The following GPR39 variants were observed in gnomAD, a reference collection of about 807,000 sequenced individuals.
GPR39 encodes zinc sensing receptor.
A neutral mutation model predicts 18.4 loss-of-function variants in GPR39; 23 were observed. The ratio of observed to expected loss-of-function variants is 1.25; its 90% CI spans 0.90 to 1.77. GPR39 has a LOEUF of 1.77. GPR39 is among the 40% of genes most tolerant of loss of function. The pLI is 0.00. For missense variants in GPR39, 647 were observed against 602.4 expected, an observed-to-expected ratio of 1.07 and a Z score of -0.78; for synonymous variants, 280 against 257.9, an observed-to-expected ratio of 1.09 and a Z score of -0.82.
rs7561716 is a variant in GPR39 at position 132,526,099 on chromosome 2, T to A, written c.856+108201T>A. 4.8e-3 allele frequency among the ~76,000 whole-genome samples: 733 copies of A among 152,296 alleles called. 2 individuals carry two copies. The highest frequency in any genetic ancestry group is 0.016 in the African/African-American group (684 of 41,564). On this transcript the variant is annotated intron_variant, in intron 1 of 1. Coordinates refer to ENST00000329321, the MANE Select transcript of GPR39 (RefSeq NM_001508.3). ...CTTGGTGGCAAAACCTGGACCAACC[T>A]GATATGAGGCTATTTATGGTATTCA... is the stretch of plus-strand genomic sequence containing the variant.
intron 1 of GPR39, among the ~76,000 whole-genome samples, chr2:132,492,902 TATATACACC>T (rs1356198921): frequency 1.4e-5 from 2 of 140,860 alleles, no homozygotes; most frequent in African/African-American, 5.4e-5. Flanking sequence ...ATATACCATA[TATATACACC>T]ATATACCATA....
chr2:132,505,264 A>T (rs4341992), intron 1 of GPR39, among the ~76,000 whole-genome samples: 143,222 of 152,162 alleles, frequency 0.94, 67,991 homozygotes, highest in Non-Finnish European at 1. Flanking sequence ...AATTAAAAAA[A>T]TTATTAATAC....
chr2:132,469,879 G>A (rs552577750), intron 1 of GPR39, among the ~76,000 whole-genome samples: 1 of 152,352 alleles, frequency 6.6e-6, no homozygotes, highest in African/African-American at 2.4e-5. Flanking sequence ...TGTGCCCGAA[G>A]TTCTGTGCAT....
chr2:132,502,450 T>C (rs953761602), intron 1 of GPR39, among the ~76,000 whole-genome samples: 3 of 152,204 alleles, frequency 2.0e-5, no homozygotes, highest in African/African-American at 7.2e-5. Context: ...GTTAATCTGA[T>C]AGATTTTCCT....
intron 1 of GPR39, among the ~76,000 whole-genome samples, chr2:132,643,460 T>C (rs1486222937): frequency 6.6e-6 from 1 of 152,210 alleles, no homozygotes; most frequent in Non-Finnish European, 1.5e-5. Context: ...CTCAGGCCAG[T>C]GCATACAGGA....
chr2:132,573,231 G>A (rs2104816318), intron 1 of GPR39, among the ~76,000 whole-genome samples: 1 of 152,292 alleles, frequency 6.6e-6, no homozygotes, highest in Admixed American at 6.5e-5. Flanking sequence ...TGTTTTCAAA[G>A]ATTTGGAAGA....
At chr2:132,486,561 C>T (rs1436246067) in intron 1 of GPR39, among the ~76,000 whole-genome samples, 2 of 152,228 alleles carry the variant, frequency 1.3e-5, no homozygotes, top group African/African-American at 2.4e-5. Context: ...TCAGCACTTG[C>T]TGCTTCACTT....
chr2:132,586,849 C>T (rs546658217), intron 1 of GPR39, among the ~76,000 whole-genome samples: 1 of 152,176 alleles, frequency 6.6e-6, no homozygotes, highest in South Asian at 2.1e-4. Context: ...AAATGACTCT[C>T]AGCAATATCT....
At chr2:132,420,049 T>G (rs1316086433) in intron 1 of GPR39, among the ~76,000 whole-genome samples, 2 of 152,224 alleles carry the variant, frequency 1.3e-5, no homozygotes, top group Non-Finnish European at 2.9e-5. Context: ...GATCATCAGA[T>G]CCCATTAGTA....
At chr2:132,491,356 C>T (rs886838768) in intron 1 of GPR39, among the ~76,000 whole-genome samples, 1 of 151,978 alleles carries the variant, frequency 6.6e-6, no homozygotes, top group Non-Finnish European at 1.5e-5. Flanking sequence ...CTTGTGACCT[C>T]TTTTTAAAAT....
At chr2:132,561,708 C>T (rs578213604) in intron 1 of GPR39, among the ~76,000 whole-genome samples, 12 of 152,184 alleles carry the variant, frequency 7.9e-5, no homozygotes, top group South Asian at 6.2e-4. Flanking sequence ...GGTATAGTTC[C>T]GGTCCAAGTC....
intron 1 of GPR39, among the ~76,000 whole-genome samples, chr2:132,447,476 C>G (rs1680557190): frequency 6.6e-6 from 1 of 151,932 alleles, no homozygotes; most frequent in South Asian, 2.1e-4. Flanking sequence ...TGCTTCTCAC[C>G]CTCTTGCTTA....
At chr2:132,513,034 A>G (rs959533348) in intron 1 of GPR39, among the ~76,000 whole-genome samples, 3 of 152,090 alleles carry the variant, frequency 2.0e-5, no homozygotes, top group Admixed American at 6.5e-5. Context: ...TTGGGCTGCA[A>G]TCACCTGGGG....
intron 1 of GPR39, among the ~76,000 whole-genome samples, chr2:132,470,052 C>T (rs1043462085): frequency 1.1e-4 from 17 of 152,282 alleles, no homozygotes; most frequent in African/African-American, 2.6e-4. Flanking sequence ...TTACATGAGA[C>T]GGTGTGATGT....
chr2:132,570,755 A>C (rs897662225), intron 1 of GPR39, among the ~76,000 whole-genome samples: 2 of 152,122 alleles, frequency 1.3e-5, no homozygotes, highest in African/African-American at 4.8e-5. Context: ...CCAGGGGCAC[A>C]GTTGACTTCC....
At chr2:132,593,994 G>A (rs1432164320) in intron 1 of GPR39, among the ~76,000 whole-genome samples, 1 of 152,116 alleles carries the variant, frequency 6.6e-6, no homozygotes, top group Non-Finnish European at 1.5e-5. Context: ...CACTTTGACT[G>A]GAGGTCCAAG....
At chr2:132,474,016 T>C (rs2104784993) in intron 1 of GPR39, among the ~76,000 whole-genome samples, 1 of 152,290 alleles carries the variant, frequency 6.6e-6, no homozygotes, top group South Asian at 2.1e-4. Flanking sequence ...TGTGGGTCAG[T>C]GGACAGGCAC....
intron 1 of GPR39, among the ~76,000 whole-genome samples, chr2:132,445,490 A>G (rs1468599028): frequency 2.0e-5 from 3 of 152,208 alleles, no homozygotes; most frequent in Non-Finnish European, 4.4e-5. Flanking sequence ...AGAGTTACAT[A>G]TTTATTTTAG....
intron 1 of GPR39, 104 bp from the exon 2 acceptor site, chr2:132,644,997 C>A: frequency 7.5e-7 from 1 of 1,329,358 alleles, no homozygotes; most frequent in Non-Finnish European, 1.0e-6. Flanking sequence ...GGCCAGTAAG[C>A]ACAGAACAGA....
Sources: allele counts gnomAD v4.1 joint callset (sites outside exome capture counted in the v4.1 genomes callset), GRCh38; gene constraint gnomAD v4.1.1; transcripts MANE v1.5; gene names NCBI Gene and HGNC (gene_info 2026-07-23, HGNC 2026-07-21).